Variants in USH2A observed in about 807,000 individuals in gnomAD.
The protein encoded by USH2A is usherin.
Under a neutral mutation model 538.9 loss-of-function variants are expected in USH2A, and 443 were observed. The observed-to-expected ratio is 0.82, with a 90% confidence interval of 0.76 to 0.89. The LOEUF (loss-of-function observed/expected upper bound fraction) is 0.89. Ranked by LOEUF, USH2A falls within the 40% of genes least tolerant of loss-of-function variation. The pLI, the probability that USH2A is intolerant of heterozygous loss-of-function variation, is 0.00. For synonymous variants in USH2A, 2,413 were observed against 2,273.5 expected (o/e 1.06, Z -1.75); for missense variants, 6,633 against 6,324.8 (o/e 1.05, Z -1.65).
intron 30 of USH2A, among the ~76,000 whole-genome samples, chr1:216,064,038 C>T (rs575058829): frequency 2.7e-3 from 417 of 152,278 alleles, no homozygotes; most frequent in Middle Eastern, 0.01. Context: ...TAAATGCTTT[C>T]CAAGTGAACA....
intron 56 of USH2A, 103 bp from the exon 57 acceptor site, chr1:215,759,946 T>A (rs1660931713): frequency 5.2e-6 from 7 of 1,348,970 alleles, no homozygotes; most frequent in Admixed American, 1.8e-5. Flanking sequence ...TTTCTGTTGA[T>A]TTTAAAAAAT....
At position 215,625,627 on chromosome 1, in the gene USH2A, G is replaced by C; in HGVS notation, c.*154C>G. 4.1e-6 allele frequency: 3 copies of C among 734,268 alleles called. No individual in the cohort carries two copies. Among genetic ancestry groups the C allele is most frequent in the Non-Finnish European group, 7.3e-6 (3 of 409,660 alleles). 45.5% of individuals were successfully genotyped at this position (734,268 alleles called of 1,614,324 possible). ...ATATCATTTCTTAGACCTCTATTAG[G>C]AAGGAACACTTTCAAAAACAGTCAT... On this transcript the variant is annotated 3_prime_UTR_variant, in exon 72 of 72. Transcript: ENST00000307340.
intron 32 of USH2A, among the ~76,000 whole-genome samples, chr1:216,004,838 GAA>G (rs1471698113): frequency 1.3e-5 from 2 of 152,156 alleles, no homozygotes; most frequent in Non-Finnish European, 2.9e-5. Flanking sequence ...GTTCAAAAGT[GAA>G]AGAGTTGAAC....
chr1:216,165,808 G>GTTTT (rs11453631), intron 21 of USH2A, among the ~76,000 whole-genome samples: 1 of 145,680 alleles, frequency 6.9e-6, no homozygotes. Context: ...CAAACAACCA[G>GTTTT]TTTTTTTTTT....
At chr1:216,237,680 G>T (rs1033466565) in intron 13 of USH2A, among the ~76,000 whole-genome samples, 1 of 152,126 alleles carries the variant, frequency 6.6e-6, no homozygotes, top group African/African-American at 2.4e-5. Flanking sequence ...CATATTAAAT[G>T]AAAGTTTGCA....
At chr1:215,653,619 A>G (rs1187775250) in intron 64 of USH2A, among the ~76,000 whole-genome samples, 1 of 152,238 alleles carries the variant, frequency 6.6e-6, no homozygotes, top group African/African-American at 2.4e-5. Flanking sequence ...CACTAGGAGA[A>G]AAGGAAAAAA....
chr1:215,719,639 G>T (rs772474923), intron 61 of USH2A, among the ~76,000 whole-genome samples: 1 of 152,130 alleles, frequency 6.6e-6, no homozygotes, highest in Non-Finnish European at 1.5e-5. Flanking sequence ...TTTTCAAAAA[G>T]AAGGACTGCT....
intron 10 of USH2A, among the ~76,000 whole-genome samples, chr1:216,291,279 C>T (rs2036996390): frequency 6.6e-6 from 1 of 152,124 alleles, no homozygotes; most frequent in African/African-American, 2.4e-5. Context: ...ATTTTTCTCC[C>T]TCCTCTAGGC....
At chr1:216,260,322 A>C (rs769629268) in intron 11 of USH2A, among the ~76,000 whole-genome samples, 5 of 152,154 alleles carry the variant, frequency 3.3e-5, no homozygotes, top group Non-Finnish European at 7.4e-5. Flanking sequence ...AAAACATGAA[A>C]ACTGATTTTT....
At chr1:216,010,649 G>C (rs1668538136) in intron 32 of USH2A, among the ~76,000 whole-genome samples, 1 of 151,666 alleles carries the variant, frequency 6.6e-6, no homozygotes, top group Admixed American at 6.6e-5. Flanking sequence ...TGCAGGTATT[G>C]ACGGCCAGGC....
intron 11 of USH2A, among the ~76,000 whole-genome samples, chr1:216,277,483 G>A (rs542548605): frequency 9.9e-5 from 15 of 152,236 alleles, no homozygotes; most frequent in African/African-American, 3.4e-4. Context: ...CCCCTGAGAT[G>A]CTCATGGGGT....
intron 11 of USH2A, among the ~76,000 whole-genome samples, chr1:216,288,129 A>G (rs950413099): frequency 6.6e-6 from 1 of 152,166 alleles, no homozygotes; most frequent in African/African-American, 2.4e-5. Flanking sequence ...TCAATATTTG[A>G]ATGATAAGCA....
chr1:216,048,913 T>C (rs1326644038), intron 30 of USH2A, among the ~76,000 whole-genome samples: 2 of 152,230 alleles, frequency 1.3e-5, no homozygotes, highest in Non-Finnish European at 2.9e-5. Flanking sequence ...CCCATTAAAA[T>C]GGGGAGGGGG....
chr1:216,395,330 G>C (rs2039192490), intron 3 of USH2A, among the ~76,000 whole-genome samples: 1 of 152,020 alleles, frequency 6.6e-6, no homozygotes, highest in Non-Finnish European at 1.5e-5. Context: ...CTTAATTACA[G>C]TGTTCACACT....
chr1:216,144,557 T>G (rs916385733), intron 21 of USH2A, among the ~76,000 whole-genome samples: 4 of 152,194 alleles, frequency 2.6e-5, no homozygotes, highest in African/African-American at 9.6e-5. Flanking sequence ...CTAGGAATTT[T>G]GGGAAGGCTC....
chr1:215,946,230 G>GATTTATA (rs150978404), intron 37 of USH2A, among the ~76,000 whole-genome samples: 4,882 of 152,230 alleles, frequency 0.032, 120 homozygotes, highest in South Asian at 0.084. Flanking sequence ...TTATTTACAT[G>GATTTATA]AGACAGTTGA....
intron 30 of USH2A, among the ~76,000 whole-genome samples, chr1:216,065,720 A>C (rs2031336125): frequency 6.6e-6 from 1 of 151,930 alleles, no homozygotes; most frequent in Admixed American, 6.6e-5. Context: ...AACATGGTGA[A>C]ACTCCATCTC....
chr1:215,699,768 T>C (rs988633554), intron 61 of USH2A, among the ~76,000 whole-genome samples: 4 of 152,236 alleles, frequency 2.6e-5, no homozygotes, highest in Non-Finnish European at 5.9e-5. Flanking sequence ...ATAATTTGAC[T>C]TCCTCTCTTC....
chr1:216,333,673 G>T (rs1452751725), intron 4 of USH2A, among the ~76,000 whole-genome samples: 1 of 151,956 alleles, frequency 6.6e-6, no homozygotes, highest in Non-Finnish European at 1.5e-5. Context: ...AAATCAAACT[G>T]TTGAAAGACA....
Sources: gnomAD v4.1 joint callset for allele counts (sites outside exome capture counted in the v4.1 genomes callset) on GRCh38, gnomAD v4.1.1 for gene constraint, MANE v1.5 for transcripts, NCBI Gene and HGNC (gene_info 2026-07-23, HGNC 2026-07-21) for gene names.